The following WDR70 variants were observed in gnomAD, a reference collection of about 807,000 sequenced individuals.
WDR70 encodes the protein WD repeat-containing protein 70.
WDR70 carries 53 observed loss-of-function variants against 88.6 expected under a neutral mutation model. The ratio of observed to expected loss-of-function variants is 0.60; its 90% CI spans 0.48 to 0.75. The LOEUF (loss-of-function observed/expected upper bound fraction) is 0.75. Among genes scored for constraint, WDR70 ranks in the 30% least tolerant of loss-of-function variants. WDR70 has a pLI of 0.00. For synonymous variants in WDR70, 280 were observed against 270.0 expected (o/e 1.04, Z -0.36); for missense variants, 610 against 823.2 (o/e 0.74, Z 3.17).
At chr5:37,727,143 T>C (rs1040136715) in intron 17 of WDR70, 98 bp downstream of exon 17, 110 of 1,423,478 alleles carry the variant, frequency 7.7e-5, no homozygotes, top group Non-Finnish European at 9.4e-5. Flanking sequence ...CTCTATTTCT[T>C]ATTTCATACT....
At chr5:37,701,201 A>C in intron 12 of WDR70, 59 bp downstream of exon 12, 3 of 1,078,608 alleles carry the variant, frequency 2.8e-6, no homozygotes, top group Non-Finnish European at 4.2e-6. Flanking sequence ...AAGTACTTTT[A>C]CTTTAATGTT....
At chr5:37,710,820 A>G (rs1166832845) in intron 13 of WDR70, among the ~76,000 whole-genome samples, 1 of 151,730 alleles carries the variant, frequency 6.6e-6, no homozygotes, top group African/African-American at 2.4e-5. Context: ...TATTATTATT[A>G]TTATTGGTGG....
chr5:37,443,721 C>T (rs938382207), intron 7 of WDR70, among the ~76,000 whole-genome samples: 13 of 152,118 alleles, frequency 8.5e-5, no homozygotes, highest in Admixed American at 3.3e-4. Context: ...GGCGTGGTGG[C>T]GCATGCCTGT....
Position 37,642,515 on chromosome 5 carries a change from C to T in WDR70, c.1092+37277C>T, listed in dbSNP as rs540353366. On this transcript the variant is annotated intron_variant, in intron 10 of 17. Transcript: ENST00000265107. ...ATCAGGGTAAATGGGATATCCATCA[C>T]CTCAAACATGTATCCTTTCTTCATG... Among the ~76,000 whole-genome samples, 89 of 152,226 alleles carry T rather than the reference C, an allele frequency of 5.8e-4. 1 individual carries two copies. The highest frequency in any genetic ancestry group is 5.8e-3 in the South Asian group (28 of 4,824).
chr5:37,734,645 G>A (rs760761870), intron 17 of WDR70, among the ~76,000 whole-genome samples: 34 of 152,040 alleles, frequency 2.2e-4, no homozygotes, highest in Non-Finnish European at 1.0e-4. Context: ...GTAATCAGGC[G>A]GAGAAAAGGC....
chr5:37,396,930 C>T (rs1001545284), intron 5 of WDR70, among the ~76,000 whole-genome samples: 4 of 152,156 alleles, frequency 2.6e-5, no homozygotes, highest in African/African-American at 9.7e-5. Flanking sequence ...ATCGCTTGAG[C>T]TCAGGAATTG....
intron 13 of WDR70, among the ~76,000 whole-genome samples, chr5:37,711,662 G>C (rs1298139051): frequency 1.3e-5 from 2 of 152,068 alleles, no homozygotes; most frequent in Non-Finnish European, 2.9e-5. Flanking sequence ...CCACACCTCT[G>C]TTGTCTTTGA....
At chr5:37,582,861 A>G (rs1743258000) in intron 9 of WDR70, among the ~76,000 whole-genome samples, 1 of 152,222 alleles carries the variant, frequency 6.6e-6, no homozygotes, top group African/African-American at 2.4e-5. Context: ...TTGTTTCAGC[A>G]TGGGCTGTCC....
chr5:37,503,950 T>C (rs2112226250), intron 8 of WDR70, among the ~76,000 whole-genome samples: 1 of 152,286 alleles, frequency 6.6e-6, no homozygotes, highest in South Asian at 2.1e-4. Context: ...TGTATTTCTT[T>C]GGTGTCAGTT....
At chr5:37,429,760 C>T (rs1036467943) in intron 5 of WDR70, among the ~76,000 whole-genome samples, 2 of 152,184 alleles carry the variant, frequency 1.3e-5, no homozygotes, top group Non-Finnish European at 1.5e-5. Context: ...TACTATAGCT[C>T]TATACATGAA....
chr5:37,729,855 C>T (rs552204556), intron 17 of WDR70, among the ~76,000 whole-genome samples: 2 of 152,254 alleles, frequency 1.3e-5, no homozygotes, highest in East Asian at 3.9e-4. Context: ...TCTTCCTCTT[C>T]ATTCCTGCTC....
intron 9 of WDR70, among the ~76,000 whole-genome samples, chr5:37,564,268 C>T (rs1742662249): frequency 6.6e-6 from 1 of 152,202 alleles, no homozygotes; most frequent in African/African-American, 2.4e-5. Flanking sequence ...CTCCGTCTGC[C>T]ATCCCGGCAC....
At chr5:37,587,104 A>G (rs1743385044) in intron 9 of WDR70, among the ~76,000 whole-genome samples, 1 of 151,994 alleles carries the variant, frequency 6.6e-6, no homozygotes, top group South Asian at 2.1e-4. Context: ...CAACCTACAG[A>G]CTTGTCCCCT....
chr5:37,411,310 T>G (rs909646155), intron 5 of WDR70, among the ~76,000 whole-genome samples: 2 of 152,196 alleles, frequency 1.3e-5, no homozygotes, highest in African/African-American at 4.8e-5. Flanking sequence ...AAAGGTTCAG[T>G]TTGGTGAATT....
Position 37,621,196 on chromosome 5 carries a change from C to T in WDR70, c.1092+15958C>T, listed in dbSNP as rs78505728. Among the ~76,000 whole-genome samples, 662 of 152,170 alleles carry T rather than the reference C, an allele frequency of 4.4e-3. 4 individuals are homozygous for T. The highest frequency in any genetic ancestry group is 6.9e-3 in the Non-Finnish European group (468 of 67,992). On this transcript the variant is annotated intron_variant, in intron 10 of 17. Coordinates refer to ENST00000265107, the MANE Select transcript of WDR70 (RefSeq NM_018034.4). ...AATTTCTCGAGGTAAGTCTGTTTCC[C>T]AAAATTCACTTATTTGCATACTACT...
At chr5:37,417,769 G>T (rs189719140) in intron 5 of WDR70, among the ~76,000 whole-genome samples, 1 of 152,216 alleles carries the variant, frequency 6.6e-6, no homozygotes, top group Non-Finnish European at 1.5e-5. Flanking sequence ...CTGGTCTTGA[G>T]CTCCTTGGCT....
rs544412340 is a variant in WDR70, at chr5:37,660,926, C to T, written c.1093-36729C>T. Among the ~76,000 whole-genome samples the T allele has an allele frequency of 5.3e-4, 81 of 152,126 alleles. 3 individuals carry two copies. The South Asian group carries it at 0.016, about 31-fold the overall frequency. ...AAATTTAAAAATACAGTGTAACAAC[C>T]ATTTATGTAGCATTTACATTGTATT... On this transcript the variant is annotated intron_variant, in intron 10 of 17. Coordinates refer to ENST00000265107, the MANE Select transcript of WDR70 (RefSeq NM_018034.4).
chr5:37,613,599 A>T (rs906063566), intron 10 of WDR70, among the ~76,000 whole-genome samples: 4 of 152,160 alleles, frequency 2.6e-5, no homozygotes, highest in Non-Finnish European at 5.9e-5. Context: ...TAATAAAGAG[A>T]CCCTATATTC....
chr5:37,648,085 G>A (rs1581463541), intron 10 of WDR70, among the ~76,000 whole-genome samples: 1 of 152,110 alleles, frequency 6.6e-6, no homozygotes, highest in African/African-American at 2.4e-5. Flanking sequence ...GTGTTATATG[G>A]TATTTTATTA....
Sources: gnomAD v4.1 joint callset for allele counts (sites outside exome capture counted in the v4.1 genomes callset) on GRCh38, gnomAD v4.1.1 for gene constraint, MANE v1.5 for transcripts, NCBI Gene and HGNC (gene_info 2026-07-23, HGNC 2026-07-21) for gene names.